The following MYO9A variants were observed in gnomAD, a reference collection of about 807,000 sequenced individuals.
MYO9A encodes the protein unconventional myosin-IXa.
A neutral mutation model predicts 293.3 loss-of-function variants in MYO9A; 103 were observed. The ratio of observed to expected loss-of-function variants is 0.35; its 90% CI spans 0.30 to 0.41. MYO9A has a LOEUF of 0.41. MYO9A is among the 10% of genes least tolerant of loss of function. The pLI is 1.00. For synonymous variants in MYO9A, 1,001 were observed against 1,035.7 expected, an observed-to-expected ratio of 0.97 and a Z score of 0.64; for missense variants, 2,685 against 3,033.0, an observed-to-expected ratio of 0.89 and a Z score of 2.69.
chr15:72,069,391 T>C (rs2079114000), intron 1 of MYO9A, among the ~76,000 whole-genome samples: 1 of 152,122 alleles, frequency 6.6e-6, no homozygotes, highest in African/African-American at 2.4e-5. Context: ...GGGTAGAATA[T>C]TTTTTTGTCT....
At chr15:72,073,334 A>T (rs904125698) in intron 1 of MYO9A, among the ~76,000 whole-genome samples, 2 of 152,142 alleles carry the variant, frequency 1.3e-5, no homozygotes, top group African/African-American at 4.8e-5. Context: ...ATTTCAACCA[A>T]CTACCGCCAC....
chr15:71,916,245 A>C (rs1426897584), intron 19 of MYO9A, 125 bp downstream of exon 19: 1 of 1,180,624 alleles, frequency 8.5e-7, no homozygotes, highest in Non-Finnish European at 1.2e-6. Context: ...AATGATCAGT[A>C]ATATATGGCT....
chr15:72,019,164 T>C, intron 5 of MYO9A, 69 bp from the exon 6 acceptor site: 1 of 1,328,836 alleles, frequency 7.5e-7, no homozygotes, highest in Non-Finnish European at 1.1e-6. Flanking sequence ...CTCTTAGATG[T>C]GGTGTGCAAG....
Position 71,960,374 on chromosome 15 carries a change from C to CTT in MYO9A, c.1987-279_1987-278insAA, listed in dbSNP as rs57424750. 358,630 of 380,616 alleles carry CTT rather than the reference C, an allele frequency of 0.94. 169,710 individuals carry two copies. Among genetic ancestry groups the CTT allele is most frequent in the Non-Finnish European group, 0.97 (203,358 of 209,218 alleles). 23.6% of individuals were successfully genotyped at this position (380,616 alleles called of 1,614,324 possible). On this transcript the variant is annotated intron_variant, in intron 13 of 41. Transcript: ENST00000356056. ...GTGTGGCACTCCTACTTCTCCATCT[C>CTT]GTTCCCTCTCTCTTGCCATGTGACA...
At chr15:71,887,647 G>A (rs932020641) in intron 27 of MYO9A, among the ~76,000 whole-genome samples, 1 of 152,100 alleles carries the variant, frequency 6.6e-6, no homozygotes, top group Non-Finnish European at 1.5e-5. Context: ...CAATGTATAA[G>A]CCAGATTCCT....
At chr15:71,891,776 A>G (rs2057186238) in intron 26 of MYO9A, 2 of 152,180 alleles carry the variant, frequency 1.3e-5, no homozygotes, top group South Asian at 4.1e-4. Context: ...TTCATAAAAC[A>G]TCACTTTTGT....
At chr15:71,974,506 C>A (rs960704188) in intron 12 of MYO9A, among the ~76,000 whole-genome samples, 1 of 152,076 alleles carries the variant, frequency 6.6e-6, no homozygotes, top group Non-Finnish European at 1.5e-5. Flanking sequence ...TTTTTTCTTC[C>A]CCAGATGACC....
At chr15:72,116,436 T>C (rs2080981584) in intron 1 of MYO9A, among the ~76,000 whole-genome samples, 1 of 152,196 alleles carries the variant, frequency 6.6e-6, no homozygotes, top group East Asian at 1.9e-4. Flanking sequence ...TTATTCAACA[T>C]TTTACTGCTA....
intron 14 of MYO9A, chr15:71,959,557 AG>A (rs1239347949): frequency 5.5e-6 from 1 of 182,660 alleles, no homozygotes; most frequent in Non-Finnish European, 1.2e-5. Context: ...TTATGATTGA[AG>A]GGGGAGGCAT....
chr15:71,936,527 G>T (rs563937205), intron 16 of MYO9A, among the ~76,000 whole-genome samples: 2 of 151,990 alleles, frequency 1.3e-5, no homozygotes, highest in African/African-American at 4.8e-5. Flanking sequence ...TTGAGACGAC[G>T]AATATGGTAA....
intron 32 of MYO9A, among the ~76,000 whole-genome samples, chr15:71,866,579 C>A (rs1436250950): frequency 1.3e-5 from 2 of 151,326 alleles, no homozygotes; most frequent in East Asian, 1.9e-4. Flanking sequence ...TTGAAGGACA[C>A]AAAAATAGAC....
chr15:71,861,691 A>C (rs868691637), intron 33 of MYO9A, among the ~76,000 whole-genome samples: 12 of 148,402 alleles, frequency 8.1e-5, no homozygotes, highest in Admixed American at 3.3e-4. Flanking sequence ...AAAAAAAAAA[A>C]AAAAAAAAAA....
chr15:71,846,971 A>G lies in MYO9A; in HGVS notation c.6837+1874T>C, dbSNP rs183877096. ...TGGGAGGACACCATCGGAGTCACAG[A>G]TATGAATGGACAAATAAGCATTACT... On this transcript the variant is annotated intron_variant, in intron 39 of 41. Transcript: ENST00000356056. Among the ~76,000 whole-genome samples the G allele has an allele frequency of 4.8e-4, 73 of 152,372 alleles. 1 individual carries two copies. Among genetic ancestry groups the G allele is most frequent in the Admixed American group, 3.3e-3 (50 of 15,308 alleles).
intron 26 of MYO9A, chr15:71,892,216 G>T (rs1484118838): frequency 6.6e-6 from 1 of 152,150 alleles, no homozygotes; most frequent in Non-Finnish European, 1.5e-5. Flanking sequence ...AGCTTAAAAT[G>T]GTGCAGCTTT....
chr15:72,074,730 C>G (rs945903335), intron 1 of MYO9A, among the ~76,000 whole-genome samples: 1 of 152,204 alleles, frequency 6.6e-6, no homozygotes, highest in African/African-American at 2.4e-5. Flanking sequence ...GCAGAGAGAT[C>G]CCCGGAACTT....
chr15:71,992,516 A>AT, intron 10 of MYO9A, among the ~76,000 whole-genome samples: 1 of 152,370 alleles, frequency 6.6e-6, no homozygotes, highest in East Asian at 1.9e-4. Context: ...CCCTTAAAAA[A>AT]ATTAAAATAA....
At chr15:72,068,774 G>A (rs1388555541) in intron 1 of MYO9A, among the ~76,000 whole-genome samples, 3 of 151,986 alleles carry the variant, frequency 2.0e-5, no homozygotes, top group Non-Finnish European at 4.4e-5. Context: ...ACCATACCCA[G>A]CCATATCCCA....
At chr15:71,916,592 C>T in intron 18 of MYO9A, 100 bp from the exon 19 acceptor site, 1 of 1,160,756 alleles carries the variant, frequency 8.6e-7, no homozygotes, top group Admixed American at 2.3e-5. Context: ...ATGACCATTT[C>T]CCATCTTAAA....
chr15:71,957,129 C>T lies in MYO9A; in HGVS notation c.2182+2772G>A, dbSNP rs145585742. Among the ~76,000 whole-genome samples, 232 of 152,212 alleles carry T rather than the reference C, an allele frequency of 1.5e-3. 1 individual carries two copies. The highest frequency in any genetic ancestry group is 0.01 in the Middle Eastern group (3 of 294). Reference sequence around the variant, plus strand: ...AGGAGCAGAATTGGTGGGTCAAATACAATTCTATATTTAACTTTCTGAGGA... The same window carrying T: ...AGGAGCAGAATTGGTGGGTCAAATATAATTCTATATTTAACTTTCTGAGGA... On this transcript the variant is annotated intron_variant, in intron 14 of 41. Transcript: ENST00000356056.
Sources: allele counts gnomAD v4.1 joint callset (sites outside exome capture counted in the v4.1 genomes callset), GRCh38; gene constraint gnomAD v4.1.1; transcripts MANE v1.5; gene names NCBI Gene and HGNC (gene_info 2026-07-23, HGNC 2026-07-21).